KRT8: variants seen among roughly 807,000 people sequenced by gnomAD.
KRT8 encodes keratin 8.
A neutral mutation model predicts 43.0 loss-of-function variants in KRT8; 24 were observed. The observed-to-expected ratio is 0.56, with a 90% CI of 0.40 to 0.78. The LOEUF (loss-of-function observed/expected upper bound fraction) is 0.78. Ranked by LOEUF, KRT8 falls within the 30% of genes least tolerant of loss-of-function variation. The pLI is 0.00. For synonymous variants in KRT8, 214 were observed against 261.2 expected, an observed-to-expected ratio of 0.82 and a Z score of 1.74; for missense variants, 492 against 638.4, an observed-to-expected ratio of 0.77 and a Z score of 2.47.
chr12:52,941,206 A>G (rs1231548654), intron 2 of KRT8, among the ~76,000 whole-genome samples: 1 of 151,738 alleles, frequency 6.6e-6, no homozygotes, highest in African/African-American at 2.4e-5. Context: ...AGCTGGGATT[A>G]CAGGCATGTG....
intron 2 of KRT8, among the ~76,000 whole-genome samples, chr12:52,935,198 C>T (rs538526288): frequency 4.0e-5 from 6 of 150,584 alleles, no homozygotes; most frequent in African/African-American, 1.2e-4. Context: ...CTGGCCAACA[C>T]GGCAAAACCC....
At chr12:52,916,514 GAC>G (rs1477722003) in intron 2 of KRT8, among the ~76,000 whole-genome samples, 2 of 152,206 alleles carry the variant, frequency 1.3e-5, no homozygotes, top group Non-Finnish European at 2.9e-5. Context: ...ATCAGTTTTA[GAC>G]ACAGCTCCTT....
intron 2 of KRT8, among the ~76,000 whole-genome samples, chr12:52,928,960 C>T (rs1942039751): frequency 1.3e-5 from 2 of 152,282 alleles, no homozygotes; most frequent in South Asian, 4.1e-4. Flanking sequence ...ACACCCACTA[C>T]AGCCCTCTCT....
At chr12:52,918,837 C>T (rs1210388919) in intron 2 of KRT8, among the ~76,000 whole-genome samples, 4 of 152,136 alleles carry the variant, frequency 2.6e-5, no homozygotes, top group Admixed American at 2.6e-4. Context: ...CCACCCTCCC[C>T]CATGGAACTT....
intron 2 of KRT8, among the ~76,000 whole-genome samples, chr12:52,915,196 A>G (rs1274304980): frequency 6.6e-6 from 1 of 151,908 alleles, no homozygotes; most frequent in Admixed American, 6.6e-5. Flanking sequence ...ACACAGTGAA[A>G]CCCCGTCTCT....
chr12:52,903,258 G>A (rs1941419218), intron 1 of KRT8, among the ~76,000 whole-genome samples: 1 of 130,228 alleles, frequency 7.7e-6, no homozygotes, highest in South Asian at 2.4e-4. Context: ...ATGGATTTAG[G>A]GGCTCTCATA....
rs1181874470 is a variant in KRT8, at chr12:52,938,189, T to C, written c.-47+11267A>G. Among the ~76,000 whole-genome samples the C allele has an allele frequency of 6.4e-5, 8 of 125,026 alleles. 1 individual carries two copies. Among genetic ancestry groups the C allele is most frequent in the Non-Finnish European group, 1.2e-4 (7 of 59,434 alleles). 82.0% of individuals were successfully genotyped at this position (125,026 alleles called of 152,430 possible). A position where few individuals can be genotyped will look rare whatever the true frequency, so the allele number is the denominator to read the frequency against. On this transcript the variant is annotated intron_variant, in intron 2 of 6. Transcript: ENST00000546826. The stretch of plus-strand genomic sequence containing the variant: ...ATATATATTTTTTTTTTTTTTTATA[T>C]ATAAGGTCTTGCTCTGTCGCCCAGG...
In KRT8 at chr12:52,898,439, C is replaced by T. The variant is rs371539248; in HGVS notation, c.1261+22G>A. ...CCTGGGCCCTGCCTCCCGCCCTCATCCCAGGGCCCTGGGACACCCACCTGC... is the reference window on the plus strand; with the variant it reads ...CCTGGGCCCTGCCTCCCGCCCTCATTCCAGGGCCCTGGGACACCCACCTGC... On this transcript the variant is annotated intron_variant, in intron 7 of 7. Transcript: ENST00000692008. 2,348 of 1,610,098 alleles carry T rather than the reference C, an allele frequency of 1.5e-3. 7 individuals are homozygous for T. Among genetic ancestry groups the T allele is most frequent in the Admixed American group, 2.0e-3 (119 of 59,584 alleles).
chr12:52,936,417 A>C (rs1256011509), intron 2 of KRT8, among the ~76,000 whole-genome samples: 2 of 152,134 alleles, frequency 1.3e-5, no homozygotes, highest in African/African-American at 4.8e-5. Flanking sequence ...TTTGAAGCTG[A>C]GACTACATGT....
chr12:52,931,590 C>T (rs1311792928), intron 2 of KRT8, among the ~76,000 whole-genome samples: 3 of 151,986 alleles, frequency 2.0e-5, no homozygotes, highest in Non-Finnish European at 4.4e-5. Flanking sequence ...TCTTCTTGAC[C>T]TGGTCTTCAC....
At chr12:52,949,707 G>C in intron 1 of KRT8, 3 of 949,068 alleles carry the variant, frequency 3.2e-6, no homozygotes, top group Non-Finnish European at 5.1e-6. Flanking sequence ...GGAGGGGGTT[G>C]GGCATACCTG....
chr12:52,930,448 C>A (rs1942064765), intron 2 of KRT8, among the ~76,000 whole-genome samples: 1 of 152,140 alleles, frequency 6.6e-6, no homozygotes, highest in South Asian at 2.1e-4. Flanking sequence ...CTCGAACTCT[C>A]GACCTCAGGC....
At chr12:52,942,283 G>C (rs77691858) in intron 2 of KRT8, among the ~76,000 whole-genome samples, 6,944 of 152,184 alleles carry the variant, frequency 0.046, 497 homozygotes, top group African/African-American at 0.16. Context: ...GATCAGAGAA[G>C]CTCGCCGACT....
At chr12:52,902,878 G>A (rs1941409418) in intron 1 of KRT8, among the ~76,000 whole-genome samples, 1 of 152,088 alleles carries the variant, frequency 6.6e-6, no homozygotes, top group Non-Finnish European at 1.5e-5. Flanking sequence ...CGGGCATGGT[G>A]GCACGCACTT....
chr12:52,928,124 C>G (rs1942024094), intron 2 of KRT8, among the ~76,000 whole-genome samples: 1 of 152,188 alleles, frequency 6.6e-6, no homozygotes, highest in Non-Finnish European at 1.5e-5. Flanking sequence ...GCATGGAGAA[C>G]TGAGTCTGCT....
chr12:52,938,621 ATT>A (rs113138799), intron 2 of KRT8, among the ~76,000 whole-genome samples: 6 of 146,124 alleles, frequency 4.1e-5, no homozygotes, highest in South Asian at 4.3e-4. Flanking sequence ...CTACAAAAGA[ATT>A]TTTTTTTTTT....
At chr12:52,923,447 T>C (rs907442007) in intron 2 of KRT8, among the ~76,000 whole-genome samples, 3 of 152,172 alleles carry the variant, frequency 2.0e-5, no homozygotes, top group Non-Finnish European at 4.4e-5. Context: ...TGAGATGGAG[T>C]CTCGCTGTGT....
chr12:52,901,236 T>TAA lies in KRT8; in HGVS notation c.534-18_534-17insTT, dbSNP rs771649316. 68 of 1,598,818 alleles carry TAA rather than the reference T, an allele frequency of 4.3e-5. No homozygotes were observed. Among genetic ancestry groups the TAA allele is most frequent in the Non-Finnish European group, 5.7e-5 (67 of 1,167,554 alleles). On this transcript the variant is annotated splice_polypyrimidine_tract_variant and intron_variant, in intron 2 of 7. Coordinates refer to ENST00000692008, the Ensembl canonical transcript of KRT8. The stretch of plus-strand genomic sequence containing the variant: ...TCCTCATACCTGTGAGGAAAAGACT[T>TAA]ACAATTAGAGGATGAAGGCAAAAGG...
At chr12:52,908,878 C>T (rs1485531292), upstream of KRT8, among the ~76,000 whole-genome samples, 3 of 152,148 alleles carry the variant, frequency 2.0e-5, no homozygotes, top group African/African-American at 4.8e-5. Context: ...TGGCGGCACA[C>T]GCCTGTAGTC....
Sources: allele counts gnomAD v4.1 joint callset (sites outside exome capture counted in the v4.1 genomes callset), GRCh38; gene constraint gnomAD v4.1.1; transcripts MANE v1.5; gene names NCBI Gene and HGNC (gene_info 2026-07-23, HGNC 2026-07-21).